The following TBC1D5 variants were observed in gnomAD, a reference collection of about 807,000 sequenced individuals.
TBC1D5 encodes the protein TBC1 domain family member 5.
In TBC1D5, 75 loss-of-function variants were observed where a neutral mutation model predicts 100.3. The ratio of observed to expected loss-of-function variants is 0.75; its 90% CI spans 0.62 to 0.91. The LOEUF (loss-of-function observed/expected upper bound fraction) is 0.91, where lower values mean the gene tolerates loss of function less well. Ranked by LOEUF, TBC1D5 falls within the 40% of genes least tolerant of loss-of-function variation. The probability of loss-of-function intolerance (pLI) is 0.00; values close to 1 mark genes in which losing one functional copy is unlikely to be tolerated. For missense variants in TBC1D5, 910 were observed against 942.4 expected (o/e 0.97, Z 0.45); for synonymous variants, 323 against 325.6 (o/e 0.99, Z 0.09).
In TBC1D5 at chr3:17,719,947, T is replaced by C. The variant is rs541142026; in HGVS notation, c.-101+19396A>G. Among the ~76,000 whole-genome samples, 21 of 152,318 alleles carry C rather than the reference T, an allele frequency of 1.4e-4. No homozygotes were observed. In the South Asian group the frequency reaches 4.1e-3, roughly 30 times the overall value. On this transcript the variant is annotated intron_variant, in intron 1 of 21. Coordinates refer to ENST00000253692, the Ensembl canonical transcript of TBC1D5. Reference sequence around the variant, plus strand: ...TAATCCTAACACTCTTTAAAGTTTGTGATTATAGGGATTACCTCCAAGATC... The same window carrying C: ...TAATCCTAACACTCTTTAAAGTTTGCGATTATAGGGATTACCTCCAAGATC...
chr3:17,293,073 T>A (rs1250554480), intron 14 of TBC1D5, among the ~76,000 whole-genome samples: 3 of 152,196 alleles, frequency 2.0e-5, no homozygotes, highest in Non-Finnish European at 4.4e-5. Context: ...ATAATTATAA[T>A]CTATGTAAGG....
intron 15 of TBC1D5, among the ~76,000 whole-genome samples, chr3:17,272,053 T>C (rs1401987796): frequency 1.3e-5 from 2 of 151,864 alleles, no homozygotes; most frequent in East Asian, 3.9e-4. Flanking sequence ...GAAGGATGAA[T>C]AGGCATTTAC....
intron 2 of TBC1D5, among the ~76,000 whole-genome samples, chr3:17,584,572 C>A (rs1393447613): frequency 2.6e-5 from 4 of 151,974 alleles, no homozygotes; most frequent in African/African-American, 9.7e-5. Flanking sequence ...CTGTGAAATT[C>A]AAGTAAAATT....
intron 1 of TBC1D5, among the ~76,000 whole-genome samples, chr3:17,642,440 G>A (rs994726842): frequency 1.8e-4 from 27 of 152,050 alleles, no homozygotes; most frequent in African/African-American, 6.0e-4. Context: ...AAATTGATTT[G>A]CTCAAGATCC....
At chr3:17,545,012 T>C (rs533200272) in intron 2 of TBC1D5, among the ~76,000 whole-genome samples, 1 of 152,304 alleles carries the variant, frequency 6.6e-6, no homozygotes, top group East Asian at 1.9e-4. Context: ...GCTCTTGGCC[T>C]ATAAATAACA....
chr3:17,429,222 A>G (rs1271800446), intron 3 of TBC1D5, among the ~76,000 whole-genome samples: 1 of 151,966 alleles, frequency 6.6e-6, no homozygotes, highest in Non-Finnish European at 1.5e-5. Flanking sequence ...AATTATACAT[A>G]TCAATTTAAA....
At chr3:17,470,826 G>A (rs1576197032) in intron 3 of TBC1D5, among the ~76,000 whole-genome samples, 6 of 152,100 alleles carry the variant, frequency 3.9e-5, no homozygotes, top group Admixed American at 3.9e-4. Flanking sequence ...GGAGGCTGAG[G>A]CAGGAGAATC....
intron 1 of TBC1D5, among the ~76,000 whole-genome samples, chr3:17,706,859 CTT>C (rs201583617): frequency 6.8e-6 from 1 of 147,398 alleles, no homozygotes; most frequent in Admixed American, 6.8e-5. Context: ...TAAGAAAGAC[CTT>C]TTTTTTTTAA....
intron 3 of TBC1D5, among the ~76,000 whole-genome samples, chr3:17,436,885 G>C (rs2094546010): frequency 6.6e-6 from 1 of 152,118 alleles, no homozygotes; most frequent in South Asian, 2.1e-4. Context: ...GGGAAACAGG[G>C]ACTAATTTCA....
chr3:17,482,285 AAAT>A (rs1469870714), intron 3 of TBC1D5, among the ~76,000 whole-genome samples: 1 of 152,244 alleles, frequency 6.6e-6, no homozygotes, highest in Non-Finnish European at 1.5e-5. Flanking sequence ...ATTTAAAAAT[AAAT>A]AATATTAAGT....
intron 1 of TBC1D5, among the ~76,000 whole-genome samples, chr3:17,658,431 C>T (rs879945452): frequency 6.6e-6 from 1 of 151,734 alleles, no homozygotes; most frequent in Admixed American, 6.6e-5. Flanking sequence ...CTCAGCAGTC[C>T]GAAACAGGAA....
At chr3:17,535,641 C>A (rs560065507) in intron 2 of TBC1D5, among the ~76,000 whole-genome samples, 43 of 151,716 alleles carry the variant, frequency 2.8e-4, no homozygotes, top group Admixed American at 1.2e-3. Flanking sequence ...ATTTTTTGTT[C>A]CAAAGATTAA....
intron 13 of TBC1D5, among the ~76,000 whole-genome samples, chr3:17,350,157 T>C (rs140566072): frequency 4.3e-4 from 66 of 152,262 alleles, no homozygotes; most frequent in African/African-American, 1.6e-3. Flanking sequence ...TTGTCATTGC[T>C]TGCTTAGCAT....
intron 3 of TBC1D5, among the ~76,000 whole-genome samples, chr3:17,433,564 G>T (rs185519459): frequency 8.5e-5 from 13 of 152,220 alleles, no homozygotes; most frequent in African/African-American, 2.6e-4. Flanking sequence ...ACCTCCAACT[G>T]GGTCTCTCCT....
chr3:17,537,179 A>G (rs2096290509), intron 2 of TBC1D5, among the ~76,000 whole-genome samples: 1 of 152,152 alleles, frequency 6.6e-6, no homozygotes. Context: ...AGGGCCCACT[A>G]TCTGTCATTT....
At chr3:17,624,632 C>T (rs1390202316) in intron 1 of TBC1D5, among the ~76,000 whole-genome samples, 2 of 152,068 alleles carry the variant, frequency 1.3e-5, no homozygotes, top group African/African-American at 4.8e-5. Flanking sequence ...CTTTCTTTTA[C>T]TTCTATTTCT....
At chr3:17,374,661 G>A in exon 11 of TBC1D5, 1 of 1,610,666 alleles carries the variant, frequency 6.2e-7, no homozygotes, top group Non-Finnish European at 8.5e-7. Flanking sequence ...CAGGGTTCAA[G>A]ACAGTTTTCA....
At chr3:17,601,277 C>A (rs1186767359) in intron 2 of TBC1D5, among the ~76,000 whole-genome samples, 4 of 152,214 alleles carry the variant, frequency 2.6e-5, no homozygotes, top group Non-Finnish European at 5.9e-5. Context: ...TTGGGAGGCC[C>A]AGGCGGGTGG....
intron 16 of TBC1D5, among the ~76,000 whole-genome samples, chr3:17,254,520 G>C (rs1409509776): frequency 3.3e-5 from 5 of 151,974 alleles, no homozygotes; most frequent in African/African-American, 1.2e-4. Flanking sequence ...CTTTTGTGAA[G>C]AGGCTGTTGA....
Sources: allele counts gnomAD v4.1 joint callset (sites outside exome capture counted in the v4.1 genomes callset), GRCh38; gene constraint gnomAD v4.1.1; transcripts MANE v1.5; gene names NCBI Gene and HGNC (gene_info 2026-07-23, HGNC 2026-07-21).